Variants in YME1L1 observed in about 807,000 individuals in gnomAD.
The protein encoded by YME1L1 is YME1 like 1 ATPase.
A neutral mutation model predicts 90.4 loss-of-function variants in YME1L1; 39 were observed. That is an observed-to-expected ratio of 0.43 (90% confidence interval 0.33 to 0.56). The LOEUF (loss-of-function observed/expected upper bound fraction) is 0.56, where lower values mean the gene tolerates loss of function less well. Among genes scored for constraint, YME1L1 ranks in the 20% least tolerant of loss-of-function variants. YME1L1 has a pLI of 0.03. For synonymous variants in YME1L1, 284 were observed against 287.3 expected (o/e 0.99, Z 0.12); for missense variants, 617 against 868.4 (o/e 0.71, Z 3.64).
At chr10:27,126,923 C>G (rs1340502692) in intron 8 of YME1L1, 137 bp from the exon 9 acceptor site, 2 of 581,472 alleles carry the variant, frequency 3.4e-6, no homozygotes, top group Non-Finnish European at 5.9e-6. Flanking sequence ...GTAAAAAAAG[C>G]ATACAAAAAT....
intron 14 of YME1L1, among the ~76,000 whole-genome samples, chr10:27,118,914 C>T (rs73598023): frequency 0.057 from 8,620 of 152,112 alleles, 269 homozygotes; most frequent in African/African-American, 0.085. Context: ...ATATTTGTTT[C>T]GTAAGATGCC....
Position 27,126,765 on chromosome 10 carries a change from A to C in YME1L1, c.880T>G (p.Leu294Val), listed in dbSNP as rs758078041. ...VKGVEEAKQELQEVVEFLKNP... is the reference protein window; with the variant it reads ...VKGVEEAKQEVQEVVEFLKNP... ...TTCAAGAATTCAACAACTTCCTGTA[A>C]TTCTTGTTTAGCTTCCTCCACCTAA... The change falls in exon 9 of 19, where the codon TTA becomes GTA. Residue 294 changes from leucine to valine, a missense_variant. Leu to Val is a conservative substitution (Grantham distance 32). Around this residue, in one of 4 missense-constraint regions of YME1L1, gnomAD observed 93 missense variants for 184.8 expected, o/e 0.50. Coordinates refer to ENST00000376016, the MANE Select transcript of YME1L1 (RefSeq NM_014263.4). 2 of 1,590,328 alleles carry C rather than the reference A, an allele frequency of 1.3e-6. No homozygotes were observed. The highest frequency in any genetic ancestry group is 1.7e-6 in the Non-Finnish European group (2 of 1,170,914).
At chr10:27,121,644 C>T (rs1418772638) in intron 11 of YME1L1, among the ~76,000 whole-genome samples, 196 bp from the exon 12 acceptor site, 1 of 152,118 alleles carries the variant, frequency 6.6e-6, no homozygotes, top group Non-Finnish European at 1.5e-5. Context: ...TCTGCCTCAA[C>T]CTCTCAAGTA....
intron 6 of YME1L1, among the ~76,000 whole-genome samples, 191 bp downstream of exon 6, chr10:27,134,640 C>T (rs143885335): frequency 2.1e-3 from 314 of 152,342 alleles, no homozygotes; most frequent in African/African-American, 7.3e-3. Flanking sequence ...ACTTCCTGTT[C>T]TCCAATTTGT....
chr10:27,115,324 T>G (rs112341800), intron 17 of YME1L1, among the ~76,000 whole-genome samples: 19 of 98,994 alleles, frequency 1.9e-4, no homozygotes, highest in South Asian at 9.8e-4. Context: ...ATTTAAAATC[T>G]TTTTTTTTTT....
intron 4 of YME1L1, among the ~76,000 whole-genome samples, chr10:27,139,180 C>T (rs1293547468): frequency 1.3e-5 from 2 of 151,938 alleles, no homozygotes; most frequent in South Asian, 2.1e-4. Context: ...TACATTCAGA[C>T]ACAGATACAT....
At chr10:27,148,612 A>G (rs1259619820) in intron 2 of YME1L1, among the ~76,000 whole-genome samples, 2 of 152,128 alleles carry the variant, frequency 1.3e-5, no homozygotes, top group African/African-American at 4.8e-5. Flanking sequence ...TGAATGGTAA[A>G]TATGTTTTCT....
chr10:27,113,149 G>A (rs1277022799), intron 18 of YME1L1, among the ~76,000 whole-genome samples: 10 of 136,912 alleles, frequency 7.3e-5, no homozygotes, highest in Non-Finnish European at 3.1e-5. Flanking sequence ...GAGCTTGGGA[G>A]ACAGAGGTTG....
intron 17 of YME1L1, 51 bp from the exon 18 acceptor site, chr10:27,114,658 C>A: frequency 1.4e-6 from 2 of 1,396,964 alleles, no homozygotes; most frequent in Non-Finnish European, 2.0e-6. Flanking sequence ...CAAACACCAA[C>A]AAATTTGAAA....
intron 1 of YME1L1, among the ~76,000 whole-genome samples, chr10:27,152,876 T>C (rs788222): frequency 0.015 from 2,254 of 152,310 alleles, 19 homozygotes; most frequent in African/African-American, 0.026. Flanking sequence ...ATTCTCCATA[T>C]AGCAAAAGCC....
chr10:27,135,236 A>T (rs564884683), intron 5 of YME1L1, among the ~76,000 whole-genome samples: 19 of 152,310 alleles, frequency 1.2e-4, no homozygotes, highest in Admixed American at 2.0e-4. Context: ...AAAACAGGTC[A>T]CATATTATTT....
Position 27,138,094 on chromosome 10 carries a change from A to G in YME1L1, c.431-1709T>C, listed in dbSNP as rs74126904. Among the ~76,000 whole-genome samples, 396 of 152,236 alleles carry G rather than the reference A, an allele frequency of 2.6e-3. 3 individuals carry two copies. The highest frequency in any genetic ancestry group is 9.0e-3 in the African/African-American group (374 of 41,582). On this transcript the variant is annotated intron_variant, in intron 4 of 18. Coordinates refer to ENST00000376016, the MANE Select transcript of YME1L1 (RefSeq NM_014263.4). Reference sequence around the variant, plus strand: ...GTAAGAAAAGAACTTGATTTTTCCAAAACAGCCACTTAGGCTGATAACATT... The same window carrying G: ...GTAAGAAAAGAACTTGATTTTTCCAGAACAGCCACTTAGGCTGATAACATT...
intron 5 of YME1L1, 52 bp downstream of exon 5, chr10:27,136,224 C>T (rs1482068371): frequency 1.2e-5 from 18 of 1,466,068 alleles, no homozygotes; most frequent in Non-Finnish European, 1.5e-5. Context: ...AAGCTCCTCA[C>T]TCTAACAACT....
At chr10:27,143,470 C>T (rs1475280652) in intron 3 of YME1L1, among the ~76,000 whole-genome samples, 1 of 151,674 alleles carries the variant, frequency 6.6e-6, no homozygotes, top group Admixed American at 6.6e-5. Flanking sequence ...GAGGCTGAGG[C>T]GGGCGGATCA....
intron 18 of YME1L1, among the ~76,000 whole-genome samples, chr10:27,112,334 A>G (rs1026093405): frequency 6.6e-6 from 1 of 152,102 alleles, no homozygotes; most frequent in Non-Finnish European, 1.5e-5. Flanking sequence ...GGCAGAGACC[A>G]CCTCTTCTAT....
chr10:27,118,739 G>A (rs999931489), intron 14 of YME1L1, among the ~76,000 whole-genome samples: 16 of 152,116 alleles, frequency 1.1e-4, no homozygotes, highest in Non-Finnish European at 2.9e-5. Flanking sequence ...AGTTTAACAA[G>A]AATATCATAA....
chr10:27,142,071 T>G (rs2057093909), intron 4 of YME1L1, among the ~76,000 whole-genome samples: 1 of 152,008 alleles, frequency 6.6e-6, no homozygotes, highest in East Asian at 1.9e-4. Context: ...CATATATATA[T>G]ATATAAAATT....
At chr10:27,147,649 A>G in intron 2 of YME1L1, 1 of 1,551,650 alleles carries the variant, frequency 6.4e-7, no homozygotes, top group Non-Finnish European at 8.7e-7. Flanking sequence ...AAGCTTCGTC[A>G]GGAAGTCACT....
At chr10:27,133,377 G>C (rs1237119419) in intron 7 of YME1L1, among the ~76,000 whole-genome samples, 6 of 152,120 alleles carry the variant, frequency 3.9e-5, no homozygotes, top group Admixed American at 3.9e-4. Flanking sequence ...AGTAAATTGA[G>C]CAATTTCTAA....
Sources: allele counts gnomAD v4.1 joint callset (sites outside exome capture counted in the v4.1 genomes callset), GRCh38; gene constraint gnomAD v4.1.1; regional missense constraint gnomAD v4.1.1; transcripts MANE v1.5; gene names NCBI Gene and HGNC (gene_info 2026-07-23, HGNC 2026-07-21).